The following TAGLN2 variants were observed in gnomAD, a reference collection of about 807,000 sequenced individuals.
TAGLN2 encodes the protein transgelin-2.
Under a neutral mutation model 24.9 loss-of-function variants are expected in TAGLN2, and 14 were observed. The ratio of observed to expected loss-of-function variants is 0.56; its 90% CI spans 0.37 to 0.88. The LOEUF is 0.88. Ranked by LOEUF, TAGLN2 falls within the 40% of genes least tolerant of loss-of-function variation. The pLI, the probability that TAGLN2 is intolerant of heterozygous loss-of-function variation, is 0.00. For missense variants in TAGLN2, 208 were observed against 258.9 expected, an observed-to-expected ratio of 0.80 and a Z score of 1.35; for synonymous variants, 77 against 98.2, an observed-to-expected ratio of 0.78 and a Z score of 1.28.
chr1:159,918,727 G>A lies in TAGLN2; in HGVS notation c.*73C>T, dbSNP rs1650422989. The A allele has an allele frequency of 6.5e-7, 1 of 1,548,134 alleles. No homozygotes were observed. Among genetic ancestry groups the A allele is most frequent in the African/African-American group, 1.4e-5 (1 of 73,436 alleles). Reference sequence around the variant, plus strand: ...GAGAGCTCTGGGGCTCTCTGGGAATGTCACTGCTAAAATATATATCTACAT... The same window carrying A: ...GAGAGCTCTGGGGCTCTCTGGGAATATCACTGCTAAAATATATATCTACAT... On this transcript the variant is annotated 3_prime_UTR_variant, in exon 5 of 5. Transcript: ENST00000368097.
In TAGLN2 at chr1:159,918,675, A is replaced by AC; in HGVS notation, c.*124dup. 1 of 1,373,578 alleles carries AC rather than the reference A, an allele frequency of 7.3e-7. No individual in the cohort carries two copies. Among genetic ancestry groups the AC allele is most frequent in the African/African-American group, 1.4e-5 (1 of 69,186 alleles). 85.1% of individuals were successfully genotyped at this position (1,373,578 alleles called of 1,614,324 possible). ...CCTCAGAGGTGACAGGACAGGCTGA[A>AC]CCCCCCACCCTGACAGAAAGGAGCT... On this transcript the variant is annotated 3_prime_UTR_variant, in exon 5 of 5. Coordinates refer to ENST00000368097, the MANE Select transcript of TAGLN2 (RefSeq NM_003564.3).
At chr1:159,921,420 A>C (rs1557925769) in intron 1 of TAGLN2, among the ~76,000 whole-genome samples, 1 of 152,224 alleles carries the variant, frequency 6.6e-6, no homozygotes, top group Non-Finnish European at 1.5e-5. Flanking sequence ...ACACAGGGCC[A>C]TGAACCAAGC....
intron 1 of TAGLN2, 98 bp from the exon 2 acceptor site, chr1:159,920,635 C>A: frequency 4.7e-6 from 7 of 1,488,066 alleles, no homozygotes; most frequent in Non-Finnish European, 5.4e-6. Flanking sequence ...ACCATTTCCC[C>A]CACGGTGAGC....
intron 1 of TAGLN2, among the ~76,000 whole-genome samples, chr1:159,921,800 CCACCACACT>C (rs1650540466): frequency 1.3e-5 from 2 of 152,182 alleles, no homozygotes; most frequent in Admixed American, 1.3e-4. Context: ...CAGTGTGTTC[CCACCACACT>C]CACCACCTGG....
chr1:159,922,693 G>A (rs1650571694), intron 1 of TAGLN2, among the ~76,000 whole-genome samples: 1 of 152,232 alleles, frequency 6.6e-6, no homozygotes, highest in Non-Finnish European at 1.5e-5. Context: ...CAAGTGGCCT[G>A]AGGCTCGGGG....
At chr1:159,919,566 G>A (rs1449778990) in intron 3 of TAGLN2, 95 bp downstream of exon 3, 16 of 1,485,326 alleles carry the variant, frequency 1.1e-5, no homozygotes, top group Non-Finnish European at 1.5e-5. Flanking sequence ...TTCTCTGCAG[G>A]GAGCCAGAAA....
In TAGLN2 at chr1:159,920,489, T is replaced by A. The variant is rs761159852; in HGVS notation, c.21A>T (p.Ala7=). 1.4e-5 allele frequency: 22 copies of A among 1,614,132 alleles called. No individual in the cohort carries two copies. The East Asian group carries it at 2.9e-4, about 21-fold the overall frequency. The change falls in exon 2 of 5, where the codon GCA becomes GCT. Residue 7 remains alanine, a synonymous_variant. Transcript: ENST00000368097. MANRGP[A]YGLSREVQQK... ...GCTGCACCTCCCGGCTCAGGCCATA[T>A]GCAGGTCCCCTGTTGGCCATTCCAA...
intron 2 of TAGLN2, 168 bp downstream of exon 2, chr1:159,920,162 G>T: frequency 8.9e-7 from 1 of 1,126,394 alleles, no homozygotes; most frequent in East Asian, 2.5e-5. Context: ...CACGGGAAGG[G>T]AGGAAAGCAT....
At position 159,920,545 on chromosome 1, in the gene TAGLN2, G is replaced by T. The variant is rs748051369; in HGVS notation, c.-28-8C>A. 6 of 1,611,010 alleles carry T rather than the reference G, an allele frequency of 3.7e-6. No individual in the cohort carries two copies. The highest frequency in any genetic ancestry group is 5.1e-6 in the Non-Finnish European group (6 of 1,177,772). ...GGCGGTGGCTGCGGGGAGCTAGGGAGAGGACACACCCGGGCTTTTGGTCAA... is the reference window on the plus strand; with the variant it reads ...GGCGGTGGCTGCGGGGAGCTAGGGATAGGACACACCCGGGCTTTTGGTCAA... On this transcript the variant is annotated splice_region_variant and splice_polypyrimidine_tract_variant and intron_variant, in intron 1 of 4. Transcript: ENST00000368097.
intron 1 of TAGLN2, among the ~76,000 whole-genome samples, chr1:159,920,738 G>A (rs1209031767): frequency 1.3e-5 from 2 of 152,106 alleles, no homozygotes; most frequent in East Asian, 1.9e-4. Context: ...GGAGGAATGT[G>A]GAACAGCTTA....
At chr1:159,925,035 A>C (rs1317173358) in intron 1 of TAGLN2, 1 of 152,228 alleles carries the variant, frequency 6.6e-6, no homozygotes, top group Admixed American at 6.5e-5. Flanking sequence ...TCCTGGAACC[A>C]GGAAGTGAAG....
intron 1 of TAGLN2, among the ~76,000 whole-genome samples, chr1:159,922,394 C>T (rs968404982): frequency 6.6e-6 from 1 of 152,220 alleles, no homozygotes; most frequent in Admixed American, 6.5e-5. Flanking sequence ...AGATAAATGT[C>T]AGTCTGGGCC....
intron 3 of TAGLN2, 36 bp from the exon 4 acceptor site, chr1:159,919,412 G>A: frequency 6.3e-7 from 1 of 1,598,424 alleles, no homozygotes; most frequent in Non-Finnish European, 8.6e-7. Flanking sequence ...AGCCTCCGCA[G>A]TGTCCTAGAT....
rs1400566098 is a variant in TAGLN2 at position 159,918,405 on chromosome 1, A to G, written c.*395T>C. On this transcript the variant is annotated 3_prime_UTR_variant, in exon 5 of 5. Coordinates refer to ENST00000368097, the MANE Select transcript of TAGLN2 (RefSeq NM_003564.3). ...ATACTTGTAGAAGCAAGGCCAGTCCAGCATCAGAAGGCAGAGGCAGCATCA... is the reference window on the plus strand; with the variant it reads ...ATACTTGTAGAAGCAAGGCCAGTCCGGCATCAGAAGGCAGAGGCAGCATCA... 1 of 171,346 alleles carries G rather than the reference A, an allele frequency of 5.8e-6. No individual in the cohort carries two copies. Among genetic ancestry groups the G allele is most frequent in the Non-Finnish European group, 1.3e-5 (1 of 79,318 alleles). 10.6% of individuals were successfully genotyped at this position (171,346 alleles called of 1,614,324 possible).
chr1:159,922,894 G>A (rs1650582138), intron 1 of TAGLN2, among the ~76,000 whole-genome samples: 1 of 152,216 alleles, frequency 6.6e-6, no homozygotes, highest in Non-Finnish European at 1.5e-5. Context: ...ACCGCCCAAC[G>A]CTGGGGCCTG....
chr1:159,921,849 G>A (rs1056094978), intron 1 of TAGLN2, among the ~76,000 whole-genome samples: 7 of 152,218 alleles, frequency 4.6e-5, no homozygotes, highest in South Asian at 2.1e-4. Flanking sequence ...AGCAAGACCC[G>A]GGCATGGTAT....
At chr1:159,920,639 G>T in intron 1 of TAGLN2, 102 bp from the exon 2 acceptor site, 1 of 1,486,302 alleles carries the variant, frequency 6.7e-7, no homozygotes, top group Non-Finnish European at 9.0e-7. Flanking sequence ...TTTCCCCCAC[G>T]GTGAGCCCCA....
In TAGLN2 at chr1:159,918,678, C is replaced by A; in HGVS notation, c.*122G>T. ...CAGAGGTGACAGGACAGGCTGAACC[C>A]CCCACCCTGACAGAAAGGAGCTTGA... is the stretch of plus-strand genomic sequence containing the variant. On this transcript the variant is annotated 3_prime_UTR_variant, in exon 5 of 5. Coordinates refer to ENST00000368097, the MANE Select transcript of TAGLN2 (RefSeq NM_003564.3). 1 of 1,403,642 alleles carries A rather than the reference C, an allele frequency of 7.1e-7. No homozygotes were observed. The highest frequency in any genetic ancestry group is 2.1e-5 in the Admixed American group (1 of 48,216). 86.9% of individuals were successfully genotyped at this position (1,403,642 alleles called of 1,614,324 possible).
intron 1 of TAGLN2, 131 bp from the exon 2 acceptor site, chr1:159,920,668 G>T: frequency 6.9e-7 from 1 of 1,445,370 alleles, no homozygotes; most frequent in Non-Finnish European, 9.1e-7. Flanking sequence ...GACCAGAACT[G>T]TTACCAAATG....
Sources: allele counts gnomAD v4.1 joint callset (sites outside exome capture counted in the v4.1 genomes callset), GRCh38; gene constraint gnomAD v4.1.1; transcripts MANE v1.5; gene names NCBI Gene and HGNC (gene_info 2026-07-23, HGNC 2026-07-21).